LMOD3: variants seen among roughly 807,000 people sequenced by gnomAD.
LMOD3 encodes the protein leiomodin 3.
A neutral mutation model predicts 41.8 loss-of-function variants in LMOD3; 31 were observed. The ratio of observed to expected loss-of-function variants is 0.74; its 90% CI spans 0.56 to 1.00. LMOD3 has a LOEUF of 1.00. Ranked by LOEUF, LMOD3 falls within the 50% of genes least tolerant of loss-of-function variation. The probability of loss-of-function intolerance (pLI) is 0.00; values close to 1 mark genes in which losing one functional copy is unlikely to be tolerated. For missense variants in LMOD3, 755 were observed against 679.5 expected, an observed-to-expected ratio of 1.11 and a Z score of -1.23; for synonymous variants, 292 against 241.9, an observed-to-expected ratio of 1.21 and a Z score of -1.92.
chr3:69,115,517 C>A (rs944295192), intron 2 of LMOD3, among the ~76,000 whole-genome samples: 1 of 147,332 alleles, frequency 6.8e-6, no homozygotes, highest in Non-Finnish European at 1.5e-5. Context: ...CACACACACA[C>A]AAAACTTTTC....
intron 2 of LMOD3, among the ~76,000 whole-genome samples, chr3:69,116,698 C>G (rs572287250): frequency 2.6e-5 from 4 of 152,290 alleles, no homozygotes; most frequent in Admixed American, 2.0e-4. Flanking sequence ...ACTGTAAGCT[C>G]TGTGTGCGGT....
At position 69,122,139 on chromosome 3, in the gene LMOD3, C is replaced by T. The variant is rs35740823; in HGVS notation, c.248G>A (p.Arg83His). Residue 83 changes from arginine (R) to histidine (H), a missense_variant, in exon 1 of 3, where the codon CGC (arginine) becomes CAC (histidine). Physicochemically the swap from Arg to His is conservative, Grantham distance 29. Transcript: ENST00000420581. ...DYMYWEKASR[R>H]MLEEERVPVT... Reference sequence around the variant, plus strand: ...AGGAACTCGTTCCTCTTCCAGCATGCGCCTGGATGCCTTTTCCCAATACAT... The same window carrying T: ...AGGAACTCGTTCCTCTTCCAGCATGTGCCTGGATGCCTTTTCCCAATACAT... 0.032 allele frequency: 52,002 copies of T among 1,612,120 alleles called. 980 individuals are homozygous for T. Among genetic ancestry groups the T allele is most frequent in the Non-Finnish European group, 0.038 (45,255 of 1,179,016 alleles).
At chr3:69,118,637 A>C in intron 2 of LMOD3, 62 bp downstream of exon 2, 2 of 1,512,958 alleles carry the variant, frequency 1.3e-6, no homozygotes, top group Non-Finnish European at 8.9e-7. Context: ...GAGAGGGAAT[A>C]AAGTTGGGAT....
At chr3:69,117,851 T>TTTTTTTTTTTTTTTTTTA (rs1559660748) in intron 2 of LMOD3, among the ~76,000 whole-genome samples, 134 of 151,010 alleles carry the variant, frequency 8.9e-4, no homozygotes, top group African/African-American at 3.1e-3. Context: ...TTTTTTTTTT[T>TTTTTTTTTTTTTTTTTTA]AGATGGAGTC....
Position 69,119,910 on chromosome 3 carries a change from C to G in LMOD3, c.445G>C (p.Glu149Gln). 1.3e-6 allele frequency: 2 copies of G among 1,545,422 alleles called. No individual in the cohort carries two copies. The highest frequency in any genetic ancestry group is 1.8e-6 in the Non-Finnish European group (2 of 1,139,140). The change falls in exon 2 of 3, where the codon GAA becomes CAA. Residue 149 changes from glutamate to glutamine, a missense_variant. By Grantham distance (29) the Glu-to-Gln change is conservative. Transcript: ENST00000420581. ...NIQETDEEDE[E>Q]EEDDDDDDEG... ...TCGTCATCATCATCATCTTCTTCTT[C>G]TTCATCTTCTTCATCTGTTTCTTGG... is the stretch of plus-strand genomic sequence containing the variant.
At position 69,119,669 on chromosome 3, in the gene LMOD3, T is replaced by C; in HGVS notation, c.686A>G (p.Lys229Arg). Residue 229 changes from lysine to arginine, a missense_variant, in exon 2 of 3, where the codon AAG becomes AGG. Lys to Arg is a conservative substitution (Grantham distance 26). Coordinates refer to ENST00000420581, the MANE Select transcript of LMOD3 (RefSeq NM_198271.5). ...KKLALDTSFLKVSTRPSGNQT... is the reference protein window; with the variant it reads ...KKLALDTSFLRVSTRPSGNQT... ...GTTTCCTGAAGGCCTTGTACTTACC[T>C]TCAAAAAGCTGGTGTCTAGAGCTAA... 3.1e-6 allele frequency: 5 copies of C among 1,613,984 alleles called. No individual in the cohort carries two copies. The highest frequency in any genetic ancestry group is 4.2e-6 in the Non-Finnish European group (5 of 1,179,888).
intron 2 of LMOD3, among the ~76,000 whole-genome samples, chr3:69,116,511 A>C (rs1279070688): frequency 3.9e-5 from 6 of 152,190 alleles, no homozygotes; most frequent in Non-Finnish European, 8.8e-5. Flanking sequence ...AATACACTTA[A>C]AATTGGTAGT....
intron 2 of LMOD3, among the ~76,000 whole-genome samples, chr3:69,112,996 T>C (rs1166800117): frequency 2.0e-5 from 3 of 152,244 alleles, no homozygotes; most frequent in Non-Finnish European, 4.4e-5. Flanking sequence ...GCTTGAAATG[T>C]TACATTGCTT....
chr3:69,122,037 A>C (rs2092409840), intron 1 of LMOD3, 56 bp downstream of exon 1: 1 of 1,413,226 alleles, frequency 7.1e-7, no homozygotes, highest in African/African-American at 1.4e-5. Flanking sequence ...CAACAGAGAG[A>C]CCTAACAGCC....
intron 2 of LMOD3, among the ~76,000 whole-genome samples, chr3:69,113,406 G>C (rs190328775): frequency 6.6e-6 from 1 of 152,230 alleles, no homozygotes; most frequent in African/African-American, 2.4e-5. Flanking sequence ...CAAAAGGAGA[G>C]AATCTAGAGA....
In LMOD3 at chr3:69,122,409, A is replaced by T. The variant is rs541255777; in HGVS notation, c.-23T>A. ...CATTATTTTTTCTAAATATTATTTT[A>T]CTAGAAAAGAAGAATAATCAAAGAT... On this transcript the variant is annotated 5_prime_UTR_variant, in exon 1 of 3. Transcript: ENST00000420581. 3 of 1,455,586 alleles carry T rather than the reference A, an allele frequency of 2.1e-6. No individual in the cohort carries two copies. The South Asian group carries it at 3.9e-5, about 19-fold the overall frequency. The allele number at this position is 1,455,586 out of a possible 1,614,324, so 90.2% of individuals were successfully genotyped here. A position where few individuals can be genotyped will look rare whatever the true frequency, so the allele number is the denominator to read the frequency against.
intron 2 of LMOD3, among the ~76,000 whole-genome samples, chr3:69,114,194 C>A (rs749841056): frequency 3.3e-5 from 5 of 152,082 alleles, no homozygotes; most frequent in Non-Finnish European, 7.4e-5. Context: ...GCAGTGTGGC[C>A]AGATCTGATG....
In LMOD3 at chr3:69,106,869, T is replaced by A; in HGVS notation, c.*2226A>T. 1 of 144,616 alleles carries A rather than the reference T, an allele frequency of 6.9e-6. No homozygotes were observed. Among genetic ancestry groups the A allele is most frequent in the South Asian group, 2.2e-4 (1 of 4,516 alleles). 9.0% of individuals were successfully genotyped at this position (144,616 alleles called of 1,614,324 possible). ...GCCTGGCTAATTTTGTATTTTTTTT[T>A]TTTTTTTTTTTTTTTTTTAGTAGAA... On this transcript the variant is annotated 3_prime_UTR_variant, in exon 3 of 3. Transcript: ENST00000420581.
At position 69,122,074 on chromosome 3, in the gene LMOD3, T is replaced by C. The variant is rs753283477; in HGVS notation, c.294+19A>G. The stretch of plus-strand genomic sequence containing the variant: ...ATCCCAGGCAGCCATTTCTCGGTTG[T>C]ACACAAATCTCTGGTTACCTCGGAT... On this transcript the variant is annotated intron_variant, in intron 1 of 2. Transcript: ENST00000420581. The C allele has an allele frequency of 6.2e-7, 1 of 1,601,076 alleles. No homozygotes were observed. Among genetic ancestry groups the C allele is most frequent in the South Asian group, 1.1e-5 (1 of 89,192 alleles).
chr3:69,121,956 A>G (rs1272168987), intron 1 of LMOD3, 137 bp downstream of exon 1: 2 of 645,220 alleles, frequency 3.1e-6, no homozygotes, highest in East Asian at 2.7e-5. Context: ...AGGATTAAAT[A>G]TTATGGTTTA....
rs2092331249 is a variant in LMOD3 at position 69,108,133 on chromosome 3, T to C, written c.*962A>G. ...CCAGGCAATGGAGTGCCTTAAAGAA[T>C]AGGATAAGTAGTTCAAGTTTAATCC... On this transcript the variant is annotated 3_prime_UTR_variant, in exon 3 of 3. Transcript: ENST00000420581. 1 of 151,168 alleles carries C rather than the reference T, an allele frequency of 6.6e-6. No homozygotes were observed. Among genetic ancestry groups the C allele is most frequent in the Non-Finnish European group, 1.5e-5 (1 of 68,006 alleles). The allele number at this position is 151,168 out of a possible 1,614,324, so 9.4% of individuals were successfully genotyped here. A position where few individuals can be genotyped will look rare whatever the true frequency, so the allele number is the denominator to read the frequency against.
rs2092329859 is a variant in LMOD3, at chr3:69,107,744, T to C, written c.*1351A>G. The C allele has an allele frequency of 6.6e-6, 1 of 152,136 alleles. No individual in the cohort carries two copies. The highest frequency in any genetic ancestry group is 1.5e-5 in the Non-Finnish European group (1 of 68,072). The allele number at this position is 152,136 out of a possible 1,614,324, so 9.4% of individuals were successfully genotyped here. On this transcript the variant is annotated 3_prime_UTR_variant, in exon 3 of 3. Transcript: ENST00000420581. The stretch of plus-strand genomic sequence containing the variant: ...CTCCCTCCCTGGCCTCCCATAGTGC[T>C]GGGATTACAGGCATGAGCCACCGCA...
intron 2 of LMOD3, among the ~76,000 whole-genome samples, chr3:69,117,835 T>G (rs1206139415): frequency 1.4e-5 from 2 of 145,142 alleles, no homozygotes; most frequent in Non-Finnish European, 3.1e-5. Context: ...TTTGGGTGGT[T>G]TTTTTTTTTT....
At position 69,119,254 on chromosome 3, in the gene LMOD3, GTT is replaced by G. The variant is rs727502799; in HGVS notation, c.1099_1100del (p.Asn367GlnfsTer11). ...EMEIARLLKANNTLLKMGYHF... is the reference protein window; with the variant it reads ...EMEIARLLKAXNTLLKMGYHF... ...GGTAGCCCATCTTCAGGAGAGTGTT[GTT>G]TGCCTTCAAAAGCCTGGCTATTTCC... On this transcript the variant is annotated frameshift_variant, in exon 2 of 3. Coordinates refer to ENST00000420581, the MANE Select transcript of LMOD3 (RefSeq NM_198271.5). LOFTEE classifies it high-confidence loss of function. 2.5e-5 allele frequency: 40 copies of G among 1,613,868 alleles called. No individual in the cohort carries two copies. The South Asian group carries it at 4.2e-4, about 17-fold the overall frequency.
Sources: allele counts gnomAD v4.1 joint callset (sites outside exome capture counted in the v4.1 genomes callset), GRCh38; gene constraint gnomAD v4.1.1; transcripts MANE v1.5; gene names NCBI Gene and HGNC (gene_info 2026-07-23, HGNC 2026-07-21).